NRG1: variants seen among roughly 807,000 people sequenced by gnomAD.
NRG1 encodes pro-neuregulin-1, membrane-bound isoform.
A neutral mutation model predicts 63.8 loss-of-function variants in NRG1; 18 were observed. The ratio of observed to expected loss-of-function variants is 0.28; its 90% CI spans 0.19 to 0.42. NRG1 has a LOEUF of 0.42. Ranked by LOEUF, NRG1 falls within the 10% of genes least tolerant of loss-of-function variation. NRG1 has a pLI of 1.00. For missense variants in NRG1, 762 were observed against 814.7 expected (o/e 0.94, Z 0.79); for synonymous variants, 302 against 301.3 (o/e 1.00, Z -0.02).
At chr8:32,148,182 C>A (rs778866372) in intron 1 of NRG1, among the ~76,000 whole-genome samples, 3 of 151,998 alleles carry the variant, frequency 2.0e-5, no homozygotes, top group Admixed American at 6.6e-5. Flanking sequence ...TATAAATATA[C>A]CCATTTCAAA....
At chr8:32,510,519 A>G (rs1829053603) in intron 1 of NRG1, among the ~76,000 whole-genome samples, 1 of 152,118 alleles carries the variant, frequency 6.6e-6, no homozygotes. Flanking sequence ...AAGAAATAAA[A>G]AAGTACCCAG....
At chr8:31,665,340 A>G (rs958395447) in intron 1 of NRG1, among the ~76,000 whole-genome samples, 2 of 152,202 alleles carry the variant, frequency 1.3e-5, no homozygotes, top group African/African-American at 2.4e-5. Flanking sequence ...ATGACCTTCT[A>G]TACACAGAAA....
chr8:31,649,922 G>A (rs1804667609), intron 1 of NRG1, among the ~76,000 whole-genome samples: 1 of 152,064 alleles, frequency 6.6e-6, no homozygotes, highest in African/African-American at 2.4e-5. Flanking sequence ...CCTGTCCATT[G>A]CCCCAATCCC....
chr8:32,173,555 A>G (rs1655124471), intron 1 of NRG1, among the ~76,000 whole-genome samples: 1 of 152,178 alleles, frequency 6.6e-6, no homozygotes, highest in African/African-American at 2.4e-5. Flanking sequence ...CAGATTGGAT[A>G]AAGAGTCAAG....
intron 1 of NRG1, among the ~76,000 whole-genome samples, chr8:32,067,205 G>A (rs1411605120): frequency 6.6e-6 from 1 of 152,026 alleles, no homozygotes; most frequent in Non-Finnish European, 1.5e-5. Context: ...GATTGCCCTG[G>A]CCAGAACTTC....
At chr8:32,347,089 A>G (rs1805004221) in intron 1 of NRG1, among the ~76,000 whole-genome samples, 1 of 152,062 alleles carries the variant, frequency 6.6e-6, no homozygotes. Context: ...TCAGCCTTCT[A>G]AAGTGCTGGG....
chr8:32,627,602 C>A (rs1489073134), intron 5 of NRG1, among the ~76,000 whole-genome samples: 1 of 152,110 alleles, frequency 6.6e-6, no homozygotes, highest in Non-Finnish European at 1.5e-5. Context: ...GCCACCATAC[C>A]CAGCTTGCAA....
At chr8:32,517,078 A>T (rs903822995) in intron 1 of NRG1, among the ~76,000 whole-genome samples, 1 of 152,138 alleles carries the variant, frequency 6.6e-6, no homozygotes, top group Non-Finnish European at 1.5e-5. Flanking sequence ...ATTTGGCTGA[A>T]TTTATAGTTC....
chr8:32,122,379 G>A (rs964956589), intron 1 of NRG1, among the ~76,000 whole-genome samples: 1 of 151,922 alleles, frequency 6.6e-6, no homozygotes, highest in Non-Finnish European at 1.5e-5. Flanking sequence ...TATTTAGATG[G>A]CAGAGTTAGG....
At chr8:32,685,667 C>A (rs1489127782) in intron 5 of NRG1, among the ~76,000 whole-genome samples, 4 of 152,132 alleles carry the variant, frequency 2.6e-5, no homozygotes, top group African/African-American at 9.7e-5. Context: ...AAATATCTAC[C>A]AAGAACACTA....
intron 1 of NRG1, among the ~76,000 whole-genome samples, chr8:31,952,766 A>C (rs1389345255): frequency 6.6e-6 from 1 of 152,198 alleles, no homozygotes; most frequent in Admixed American, 6.5e-5. Context: ...CCAGACCGCA[A>C]AATGTCATGG....
intron 1 of NRG1, among the ~76,000 whole-genome samples, chr8:31,887,020 T>C (rs1248145494): frequency 6.6e-6 from 1 of 152,078 alleles, no homozygotes; most frequent in Non-Finnish European, 1.5e-5. Flanking sequence ...CGGTAATTAC[T>C]CAGGAGACAT....
chr8:32,346,098 T>C (rs1000220127), intron 1 of NRG1, among the ~76,000 whole-genome samples: 1 of 147,628 alleles, frequency 6.8e-6, no homozygotes, highest in African/African-American at 2.5e-5. Flanking sequence ...TATATACTTA[T>C]AAATTATATA....
chr8:32,760,320 C>T, exon 11 of NRG1: 1 of 1,614,048 alleles, frequency 6.2e-7, no homozygotes, highest in Non-Finnish European at 8.5e-7. Context: ...GTCTTAATGG[C>T]ACAGGAGGCC....
At chr8:32,737,578 G>A (rs1564073861) in intron 6 of NRG1, among the ~76,000 whole-genome samples, 2 of 151,372 alleles carry the variant, frequency 1.3e-5, no homozygotes, top group East Asian at 3.9e-4. Context: ...TTATCTGGGA[G>A]TCCACAGAGG....
At chr8:32,322,316 A>G (rs1198894877) in intron 1 of NRG1, among the ~76,000 whole-genome samples, 1 of 151,300 alleles carries the variant, frequency 6.6e-6, no homozygotes, top group African/African-American at 2.4e-5. Context: ...TTTCATTTGC[A>G]CTAAATAACG....
chr8:32,759,074 C>T (rs1299253666), intron 9 of NRG1, among the ~76,000 whole-genome samples: 3 of 150,604 alleles, frequency 2.0e-5, no homozygotes, highest in African/African-American at 7.5e-5. Context: ...GGATGCACAT[C>T]CAGAGAGTAT....
chr8:31,989,253 CAAAA>C lies in NRG1; in HGVS notation c.37+349839_37+349842del, dbSNP rs10692906. Among the ~76,000 whole-genome samples, 11 of 47,528 alleles carry C rather than the reference CAAAA, an allele frequency of 2.3e-4. No homozygotes were observed. The East Asian group carries it at 0.017, about 72-fold the overall frequency. The allele number at this position is 47,528 out of a possible 152,430, so 31.2% of individuals were successfully genotyped here. On this transcript the variant is annotated intron_variant, in intron 1 of 10. Coordinates refer to the NRG1 transcript ENST00000519301. ...CCTGGGTGAGAGAGAGACTCTGTCT[CAAAA>C]AAAAAAAAAAAAAAAAGAACAAAAC... is the stretch of plus-strand genomic sequence containing the variant.
chr8:31,889,445 A>G (rs1830976216), intron 1 of NRG1, among the ~76,000 whole-genome samples: 1 of 152,182 alleles, frequency 6.6e-6, no homozygotes, highest in Non-Finnish European at 1.5e-5. Flanking sequence ...AAGACAGAAC[A>G]AAGAGAATAC....
Sources: allele counts gnomAD v4.1 joint callset (sites outside exome capture counted in the v4.1 genomes callset), GRCh38; gene constraint gnomAD v4.1.1; transcripts MANE v1.5; gene names NCBI Gene and HGNC (gene_info 2026-07-23, HGNC 2026-07-21).